EME2: variants seen among roughly 807,000 people sequenced by gnomAD.
EME2 encodes structure-specific endonuclease subunit EME2.
Under a neutral mutation model 41.9 loss-of-function variants are expected in EME2, and 58 were observed. The ratio of observed to expected loss-of-function variants is 1.38; its 90% CI spans 1.12 to 1.72. The LOEUF (loss-of-function observed/expected upper bound fraction) is 1.72, where lower values mean the gene tolerates loss of function less well. Ranked by LOEUF, EME2 falls within the 40% of genes most tolerant of loss-of-function variation. EME2 has a pLI of 0.00. For synonymous variants in EME2, 334 were observed against 239.3 expected (o/e 1.40, Z -3.65); for missense variants, 695 against 541.9 (o/e 1.28, Z -2.81).
Position 1,776,176 on chromosome 16 carries a change from C to T in EME2, c.1078C>T (p.Arg360Cys), listed in dbSNP as rs147671872. ...CCGCAGGGTGGGGCCTGACCTCTCC[C>T]GCCGCATCTGCCTCTTCCTGACCAC... ...RPRRVGPDLS[R>C]RICLFLTTAN... The change falls in exon 8 of 8, where the codon CGC becomes TGC. Residue 360 changes from arginine (R) to cysteine (C), a missense_variant. Arg to Cys is a radical substitution (Grantham distance 180). Transcript: ENST00000568449. The T allele has an allele frequency of 2.7e-5, 43 of 1,612,510 alleles. No homozygotes were observed. The highest frequency in any genetic ancestry group is 2.0e-4 in the Admixed American group (12 of 60,006).
At position 1,775,047 on chromosome 16, in the gene EME2, G is replaced by C. The variant is rs140870700; in HGVS notation, c.484G>C (p.Gly162Arg). 4.5e-4 allele frequency: 727 copies of C among 1,609,004 alleles called. 1 individual carries two copies. Among genetic ancestry groups the C allele is most frequent in the Non-Finnish European group, 5.6e-4 (659 of 1,179,696 alleles). ...CACACGTTCTCATCTTCAGATCTCT[G>C]GCCCAACCCACTGGGTGCCCTGGAT... The part of the protein sequence containing the change: ...QGVATLTQIS[G>R]PTHWVPWISP... The change falls in exon 4 of 8, where the codon GGC becomes CGC. Residue 162 changes from glycine (G) to arginine (R), a missense_variant. By Grantham distance (125) the Gly-to-Arg change is moderately radical. Transcript: ENST00000568449.
In EME2 at chr16:1,772,969, G is replaced by A; in HGVS notation, c.-259G>A. 1.4e-6 allele frequency: 2 copies of A among 1,447,892 alleles called. No individual in the cohort carries two copies. The highest frequency in any genetic ancestry group is 1.8e-6 in the Non-Finnish European group (2 of 1,103,314). The allele number at this position is 1,447,892 out of a possible 1,614,324, so 89.7% of individuals were successfully genotyped here. A position where few individuals can be genotyped will look rare whatever the true frequency, so the allele number is the denominator to read the frequency against. ...CGCACGTCGGCCCAGGCCCGGACCG[G>A]CAGCCGGCGTCCAGAGAACGGCCGC... is the stretch of plus-strand genomic sequence containing the variant. On this transcript the variant is annotated 5_prime_UTR_variant, in exon 1 of 8. Coordinates refer to ENST00000568449, the MANE Select transcript of EME2 (RefSeq NM_001257370.2).
At position 1,776,116 on chromosome 16, in the gene EME2, G is replaced by C; in HGVS notation, c.1018G>C (p.Asp340His). The C allele has an allele frequency of 6.2e-7, 1 of 1,611,722 alleles. No individual in the cohort carries two copies. Among genetic ancestry groups the C allele is most frequent in the African/African-American group, 1.3e-5 (1 of 75,068 alleles). ...TERERMGLLA[D>H]LPVPPSEGGR... is the part of the protein sequence containing the mutation. ...GCGGGAGCGCATGGGCCTCCTGGCC[G>C]ACCTTCCTGTGCCGCCCAGTGAAGG... Residue 340 changes from aspartate to histidine, a missense_variant, in exon 8 of 8, where the codon GAC (aspartate) becomes CAC (histidine). Transcript: ENST00000568449.
In EME2 at chr16:1,775,970, C is replaced by T. The variant is rs150341255; in HGVS notation, c.953C>T (p.Pro318Leu). ...ADAVVTAFPS[P>L]RLLQQALEAC... ...GCAGTTGTCACAGCCTTCCCCTCCCCCCGCCTTCTGCAGCAGGTGGGCCCC... is the reference window on the plus strand; with the variant it reads ...GCAGTTGTCACAGCCTTCCCCTCCCTCCGCCTTCTGCAGCAGGTGGGCCCC... The change falls in exon 7 of 8, where the codon CCC becomes CTC. Residue 318 changes from proline (P) to leucine (L), a missense_variant. Transcript: ENST00000568449. 112 of 1,609,428 alleles carry T rather than the reference C, an allele frequency of 7.0e-5. 1 individual carries two copies. The African/African-American group carries it at 1.3e-3, about 19-fold the overall frequency.
In EME2 at chr16:1,781,431, G is replaced by A. The variant is rs1430930909; in HGVS notation, c.*5193G>A. The A allele has an allele frequency of 2.5e-6, 4 of 1,612,826 alleles. No individual in the cohort carries two copies. Among genetic ancestry groups the A allele is most frequent in the Non-Finnish European group, 3.4e-6 (4 of 1,180,016 alleles). On this transcript the variant is annotated 3_prime_UTR_variant, in exon 8 of 8. Transcript: ENST00000568449. Reference sequence around the variant, plus strand: ...GGCCCGGGCATCTGCGTCTCGGCGGGCTGCACTCAGGACGAAGTGCCAGGC... The same window carrying A: ...GGCCCGGGCATCTGCGTCTCGGCGGACTGCACTCAGGACGAAGTGCCAGGC...
chr16:1,773,310 C>T lies in EME2; in HGVS notation c.83C>T (p.Pro28Leu), dbSNP rs768515441. 3 of 1,502,470 alleles carry T rather than the reference C, an allele frequency of 2.0e-6. No homozygotes were observed. In the Admixed American group the frequency reaches 6.4e-5, roughly 32 times the overall value. The allele number at this position is 1,502,470 out of a possible 1,614,324, so 93.1% of individuals were successfully genotyped here. A position where few individuals can be genotyped will look rare whatever the true frequency, so the allele number is the denominator to read the frequency against. ...RGRGGSGQRR[P>L]PTWEISDSDA... is the part of the protein sequence containing the mutation. ...CGGGGCGGGAGCGGTCAGCGGCGAC[C>T]TCCAACCTGGGAGATCTCAGACTCC... The change falls in exon 1 of 8, where the codon CCT becomes CTT. Residue 28 changes from proline to leucine, a missense_variant. By Grantham distance (98) the Pro-to-Leu change is moderately conservative (BLOSUM62 -3). Coordinates refer to ENST00000568449, the MANE Select transcript of EME2 (RefSeq NM_001257370.2).
In EME2 at chr16:1,776,947, G is replaced by A; in HGVS notation, c.*709G>A. Reference sequence around the variant, plus strand: ...CCCTAGAGCCCCCACAGAAAGGACTGTCCCAGCCTCGGGAGCAAGAGATGG... The same window carrying A: ...CCCTAGAGCCCCCACAGAAAGGACTATCCCAGCCTCGGGAGCAAGAGATGG... On this transcript the variant is annotated 3_prime_UTR_variant, in exon 8 of 8. Transcript: ENST00000568449. The A allele has an allele frequency of 1.1e-6, 1 of 901,408 alleles. No individual in the cohort carries two copies. Among genetic ancestry groups the A allele is most frequent in the Middle Eastern group, 2.6e-4 (1 of 3,898 alleles). 55.8% of individuals were successfully genotyped at this position (901,408 alleles called of 1,614,324 possible). A position where few individuals can be genotyped will look rare whatever the true frequency, so the allele number is the denominator to read the frequency against.
In EME2 at chr16:1,775,852, G is replaced by A. The variant is rs763966095; in HGVS notation, c.835G>A (p.Gly279Ser). 1.7e-5 allele frequency: 27 copies of A among 1,612,306 alleles called. No homozygotes were observed. Among genetic ancestry groups the A allele is most frequent in the Middle Eastern group, 3.3e-4 (2 of 6,082 alleles). ...SFCTAGRWAA[G>S]EPVARDGAGL... ...CTGCACAGCAGGGCGCTGGGCAGCCGGCGAGCCAGTGGCAAGAGACGGCGC... is the reference window on the plus strand; with the variant it reads ...CTGCACAGCAGGGCGCTGGGCAGCCAGCGAGCCAGTGGCAAGAGACGGCGC... Residue 279 changes from glycine (G) to serine (S), a missense_variant, in exon 7 of 8, where the codon GGC becomes AGC. Transcript: ENST00000568449.
chr16:1,777,208 C>T lies in EME2; in HGVS notation c.*970C>T. The T allele has an allele frequency of 1.2e-6, 2 of 1,610,570 alleles. No homozygotes were observed. Among genetic ancestry groups the T allele is most frequent in the Non-Finnish European group, 1.7e-6 (2 of 1,179,832 alleles). On this transcript the variant is annotated 3_prime_UTR_variant, in exon 8 of 8. Coordinates refer to ENST00000568449, the MANE Select transcript of EME2 (RefSeq NM_001257370.2). ...CTGGAGCCTTGCGGCGGCTGCAACT[C>T]ATGCTCAGGACCCAGCCCAGCTTGT...
In EME2 at chr16:1,776,614, GGACTCCCAA is replaced by G; in HGVS notation, c.*378_*386del. ...GGCACCCTCAGCCAGAAGCAGTAGG[GGACTCCCAA>G]GGATGTGGAGGGGCAGTGAGGCCTG... On this transcript the variant is annotated 3_prime_UTR_variant, in exon 8 of 8. Coordinates refer to ENST00000568449, the MANE Select transcript of EME2 (RefSeq NM_001257370.2). The G allele has an allele frequency of 6.6e-6, 2 of 303,712 alleles. No individual in the cohort carries two copies. The highest frequency in any genetic ancestry group is 1.2e-5 in the Non-Finnish European group (2 of 162,514). The allele number at this position is 303,712 out of a possible 1,614,324, so 18.8% of individuals were successfully genotyped here.
In EME2 at chr16:1,776,956, T is replaced by A. The variant is rs2042722427; in HGVS notation, c.*718T>A. 1.0e-6 allele frequency: 1 copy of A among 967,998 alleles called. No homozygotes were observed. The highest frequency in any genetic ancestry group is 2.6e-5 in the East Asian group (1 of 38,552). The allele number at this position is 967,998 out of a possible 1,614,324, so 60.0% of individuals were successfully genotyped here. A position where few individuals can be genotyped will look rare whatever the true frequency, so the allele number is the denominator to read the frequency against. On this transcript the variant is annotated 3_prime_UTR_variant, in exon 8 of 8. Coordinates refer to ENST00000568449, the MANE Select transcript of EME2 (RefSeq NM_001257370.2). ...CCCCACAGAAAGGACTGTCCCAGCC[T>A]CGGGAGCAAGAGATGGCTCCCTCCG...
intron 7 of EME2, 29 bp downstream of exon 7, chr16:1,776,015 A>C: frequency 6.2e-7 from 1 of 1,606,270 alleles, no homozygotes; most frequent in Non-Finnish European, 8.5e-7. Flanking sequence ...CAAGCCCTCC[A>C]GGTGCAGAAG....
chr16:1,773,452 C>A lies in EME2; in HGVS notation c.225C>A (p.Arg75=). 1 of 1,575,644 alleles carries A rather than the reference C, an allele frequency of 6.3e-7. No homozygotes were observed. Among genetic ancestry groups the A allele is most frequent in the Non-Finnish European group, 8.5e-7 (1 of 1,170,172 alleles). The change falls in exon 1 of 8, where the codon CGC becomes CGA. Residue 75 remains arginine, a synonymous_variant. Transcript: ENST00000568449. ...TGCGGCCGGAGCAGGTCCTGAAGCG[C>A]CTCGCGGTGTGCGTGGACACAGGTG... is the stretch of plus-strand genomic sequence containing the variant. ...RLLRPEQVLK[R]LAVCVDTAIL...
At chr16:1,774,028 T>C (rs1174604862) in intron 2 of EME2, among the ~76,000 whole-genome samples, 187 bp downstream of exon 2, 1 of 152,228 alleles carries the variant, frequency 6.6e-6, no homozygotes, top group Non-Finnish European at 1.5e-5. Flanking sequence ...CCGAGCTGGC[T>C]GGAGAAGGTT....
Position 1,781,277 on chromosome 16 carries a change from G to C in EME2, c.*5039G>C. On this transcript the variant is annotated 3_prime_UTR_variant, in exon 8 of 8. Coordinates refer to ENST00000568449, the MANE Select transcript of EME2 (RefSeq NM_001257370.2). ...CATCTTTTTCTCCGACTGATTCCGT[G>C]TTCAGGTAATGTCTGCCTGCCTGCC... 6.2e-7 allele frequency: 1 copy of C among 1,611,416 alleles called. No homozygotes were observed. The highest frequency in any genetic ancestry group is 8.5e-7 in the Non-Finnish European group (1 of 1,179,904).
At position 1,777,316 on chromosome 16, in the gene EME2, G is replaced by T; in HGVS notation, c.*1078G>T. ...AGTCTGGCCGCAGCTGGCGCAGGCGGTGGCAGCACAGGTACTGGAGGGAAG... is the reference window on the plus strand; with the variant it reads ...AGTCTGGCCGCAGCTGGCGCAGGCGTTGGCAGCACAGGTACTGGAGGGAAG... On this transcript the variant is annotated 3_prime_UTR_variant, in exon 8 of 8. Coordinates refer to ENST00000568449, the MANE Select transcript of EME2 (RefSeq NM_001257370.2). 1 of 1,609,768 alleles carries T rather than the reference G, an allele frequency of 6.2e-7. No homozygotes were observed. The highest frequency in any genetic ancestry group is 2.2e-5 in the East Asian group (1 of 44,870).
rs1251430296 is a variant in EME2 at position 1,776,555 on chromosome 16, C to T, written c.*317C>T. On this transcript the variant is annotated 3_prime_UTR_variant, in exon 8 of 8. Coordinates refer to ENST00000568449, the MANE Select transcript of EME2 (RefSeq NM_001257370.2). The stretch of plus-strand genomic sequence containing the variant: ...CTCGGCAGGGACCAGAAGGCAGCTC[C>T]AGGGCCCCACTGCCACCTGGAGGCT... 2 of 365,034 alleles carry T rather than the reference C, an allele frequency of 5.5e-6. No individual in the cohort carries two copies. Among genetic ancestry groups the T allele is most frequent in the Non-Finnish European group, 1.0e-5 (2 of 200,792 alleles). 22.6% of individuals were successfully genotyped at this position (365,034 alleles called of 1,614,324 possible). A position where few individuals can be genotyped will look rare whatever the true frequency, so the allele number is the denominator to read the frequency against.
intron 1 of EME2, 28 bp downstream of exon 1, chr16:1,773,502 G>C: frequency 6.4e-7 from 1 of 1,572,772 alleles, no homozygotes; most frequent in Non-Finnish European, 8.6e-7. Context: ...GGCGATACTC[G>C]GGGTAGGAAA....
Position 1,772,854 on chromosome 16 carries a change from T to C in EME2, c.-374T>C. 1 of 1,444,514 alleles carries C rather than the reference T, an allele frequency of 6.9e-7. No homozygotes were observed. The highest frequency in any genetic ancestry group is 9.1e-7 in the Non-Finnish European group (1 of 1,103,738). The allele number at this position is 1,444,514 out of a possible 1,614,324, so 89.5% of individuals were successfully genotyped here. A position where few individuals can be genotyped will look rare whatever the true frequency, so the allele number is the denominator to read the frequency against. ...GAGGCGCCAGTAGCACGGCTCGTCG[T>C]GCTGCCACAGCCAGGACTTGCGCGT... On this transcript the variant is annotated 5_prime_UTR_variant, in exon 1 of 8. Transcript: ENST00000568449.
Sources: allele counts gnomAD v4.1 joint callset (sites outside exome capture counted in the v4.1 genomes callset), GRCh38; gene constraint gnomAD v4.1.1; transcripts MANE v1.5; gene names NCBI Gene and HGNC (gene_info 2026-07-23, HGNC 2026-07-21).